The following LRBA variants were observed in gnomAD, a reference collection of about 807,000 sequenced individuals.
LRBA encodes LPS responsive beige-like anchor protein, also known as lipopolysaccharide-responsive and beige-like anchor protein.
In LRBA, 176 loss-of-function variants were observed where a neutral mutation model predicts 330.0. The ratio of observed to expected loss-of-function variants is 0.53; its 90% CI spans 0.47 to 0.60. The LOEUF is 0.60. LRBA is among the 20% of genes least tolerant of loss of function. The pLI, the probability that LRBA is intolerant of heterozygous loss-of-function variation, is 0.00. For synonymous variants in LRBA, 1,230 were observed against 1,193.0 expected, an observed-to-expected ratio of 1.03 and a Z score of -0.64; for missense variants, 3,259 against 3,444.8, an observed-to-expected ratio of 0.95 and a Z score of 1.35.
intron 38 of LRBA, chr4:150,596,990 T>G: frequency 3.2e-6 from 2 of 619,172 alleles, no homozygotes; most frequent in Non-Finnish European, 5.7e-6. Context: ...ATTTAGATTT[T>G]TAAACATATA....
intron 40 of LRBA, among the ~76,000 whole-genome samples, chr4:150,555,782 CACACAA>C (rs1412315709): frequency 2.0e-5 from 3 of 151,002 alleles, no homozygotes; most frequent in African/African-American, 7.4e-5. Context: ...CACACACACA[CACACAA>C]ACAAATAGAA....
chr4:150,850,141 C>T (rs947676867), intron 24 of LRBA, among the ~76,000 whole-genome samples: 13 of 151,008 alleles, frequency 8.6e-5, no homozygotes, highest in African/African-American at 2.4e-4. Context: ...TCGCCCAGGC[C>T]GGAGTGCAGT....
chr4:150,367,922 C>A (rs1739692989), intron 47 of LRBA, among the ~76,000 whole-genome samples: 1 of 152,068 alleles, frequency 6.6e-6, no homozygotes, highest in Non-Finnish European at 1.5e-5. Flanking sequence ...TCAATATAAT[C>A]CCTAAACTCT....
At chr4:150,310,732 A>G in intron 51 of LRBA, 1 of 186,496 alleles carries the variant, frequency 5.4e-6, no homozygotes, top group Admixed American at 5.7e-5. Context: ...TGACAATCTC[A>G]TTACATTTAT....
intron 40 of LRBA, among the ~76,000 whole-genome samples, chr4:150,510,400 C>T (rs1252253864): frequency 1.3e-5 from 2 of 152,070 alleles, no homozygotes; most frequent in African/African-American, 4.8e-5. Context: ...ATGTCAAAAC[C>T]AGACAAACAC....
chr4:150,884,355 C>T (rs749065910), intron 17 of LRBA, among the ~76,000 whole-genome samples: 3 of 152,070 alleles, frequency 2.0e-5, no homozygotes. Flanking sequence ...GATAAGTACT[C>T]CACACAGACA....
intron 40 of LRBA, among the ~76,000 whole-genome samples, chr4:150,550,325 C>A (rs961834930): frequency 1.3e-5 from 2 of 151,896 alleles, no homozygotes; most frequent in Non-Finnish European, 2.9e-5. Flanking sequence ...CAACCTCATA[C>A]TAAAGGATTA....
intron 36 of LRBA, among the ~76,000 whole-genome samples, chr4:150,723,838 A>G (rs1158311247): frequency 6.6e-6 from 1 of 152,186 alleles, no homozygotes; most frequent in Non-Finnish European, 1.5e-5. Flanking sequence ...ACTGACCTAA[A>G]GAGCGAGTCT....
rs1348888475 is a variant in LRBA, at chr4:150,806,409, G to C, written c.5385-5C>G. 6.3e-7 allele frequency: 1 copy of C among 1,576,306 alleles called. No individual in the cohort carries two copies. The highest frequency in any genetic ancestry group is 8.6e-7 in the Non-Finnish European group (1 of 1,165,460). On this transcript the variant is annotated splice_polypyrimidine_tract_variant and splice_region_variant and intron_variant, in intron 32 of 56. Coordinates refer to ENST00000651943, the MANE Select transcript of LRBA (RefSeq NM_001364905.1). ...TGTTCAAGCCTCTCTGTAATACTAA[G>C]GAAAAGACATTAAGTTACTTGAACT... is the stretch of plus-strand genomic sequence containing the variant.
intron 43 of LRBA, among the ~76,000 whole-genome samples, chr4:150,468,092 T>A (rs1430873358): frequency 2.0e-5 from 3 of 152,038 alleles, no homozygotes; most frequent in Middle Eastern, 3.2e-3. Context: ...TAAACTACAT[T>A]TGATAATTTT....
At chr4:150,638,754 G>A (rs1778186097) in intron 37 of LRBA, among the ~76,000 whole-genome samples, 1 of 129,292 alleles carries the variant, frequency 7.7e-6, no homozygotes, top group Non-Finnish European at 1.6e-5. Context: ...CACTGTTGGT[G>A]GGACTGTAAA....
intron 36 of LRBA, among the ~76,000 whole-genome samples, chr4:150,702,446 T>C (rs1478276945): frequency 6.6e-6 from 1 of 152,136 alleles, no homozygotes; most frequent in African/African-American, 2.4e-5. Flanking sequence ...GAAAAGGAAA[T>C]ACCAAGATAA....
At chr4:150,931,055 T>C (rs1460147760) in intron 2 of LRBA, among the ~76,000 whole-genome samples, 1 of 152,220 alleles carries the variant, frequency 6.6e-6, no homozygotes, top group Non-Finnish European at 1.5e-5. Context: ...ATTTTAAAAA[T>C]ACACAATTCA....
At chr4:150,463,701 T>C (rs1755067997) in intron 44 of LRBA, among the ~76,000 whole-genome samples, 1 of 152,024 alleles carries the variant, frequency 6.6e-6, no homozygotes, top group Non-Finnish European at 1.5e-5. Flanking sequence ...GTTCCTTAGG[T>C]ACAGCTGTAA....
intron 37 of LRBA, among the ~76,000 whole-genome samples, chr4:150,673,656 G>C (rs139789256): frequency 1.4e-4 from 21 of 152,188 alleles, no homozygotes; most frequent in African/African-American, 4.8e-4. Flanking sequence ...TCAAATGAGA[G>C]TTAGTTACAA....
Position 150,677,868 on chromosome 4 carries a change from A to G in LRBA, c.5921+5683T>C, listed in dbSNP as rs557148153. 2.6e-5 allele frequency among the ~76,000 whole-genome samples: 4 copies of G among 152,076 alleles called. No homozygotes were observed. The East Asian group carries it at 7.7e-4, about 29-fold the overall frequency. ...AAAAGTGTATAGTTCTCTGATTCCC[A>G]TATGTTCAGTATCAGGCCTGTAATT... On this transcript the variant is annotated intron_variant, in intron 37 of 56. Transcript: ENST00000651943.
rs117788369 is a variant in LRBA at position 150,366,263 on chromosome 4, C to T, written c.7195-16104G>A. ...TACTATAAAATATGAGTTAGAATCA[C>T]TATCTTTATTAGATTAGGAGAACTG... On this transcript the variant is annotated intron_variant, in intron 47 of 56. Coordinates refer to ENST00000651943, the MANE Select transcript of LRBA (RefSeq NM_001364905.1). 6.6e-3 allele frequency among the ~76,000 whole-genome samples: 998 copies of T among 152,172 alleles called. 45 individuals carry two copies. Among genetic ancestry groups the T allele is most frequent in the Admixed American group, 0.055 (846 of 15,276 alleles).
At chr4:150,773,957 T>C (rs1254256602) in intron 34 of LRBA, among the ~76,000 whole-genome samples, 1 of 152,174 alleles carries the variant, frequency 6.6e-6, no homozygotes, top group Non-Finnish European at 1.5e-5. Flanking sequence ...TTTTCCCCAG[T>C]GAACAGTAAC....
intron 17 of LRBA, among the ~76,000 whole-genome samples, chr4:150,878,097 T>C (rs1324546849): frequency 6.6e-6 from 1 of 151,040 alleles, no homozygotes; most frequent in Non-Finnish European, 1.5e-5. Flanking sequence ...CTTTAGGAGG[T>C]CAAGGTGGGC....
Sources: allele counts gnomAD v4.1 joint callset (sites outside exome capture counted in the v4.1 genomes callset), GRCh38; gene constraint gnomAD v4.1.1; transcripts MANE v1.5; gene names NCBI Gene and HGNC (gene_info 2026-07-23, HGNC 2026-07-21).